Variants in CCDC40 observed in about 807,000 individuals in gnomAD.
The protein encoded by CCDC40 is coiled-coil domain-containing protein 40.
CCDC40 carries 104 observed loss-of-function variants against 124.5 expected under a neutral mutation model. The observed-to-expected ratio is 0.84, with a 90% confidence interval of 0.71 to 0.98. The LOEUF (loss-of-function observed/expected upper bound fraction) is 0.98. CCDC40 is among the 50% of genes least tolerant of loss of function. CCDC40 has a pLI of 0.00. For synonymous variants in CCDC40, 580 were observed against 602.9 expected (o/e 0.96, Z 0.56); for missense variants, 1,463 against 1,503.9 (o/e 0.97, Z 0.45).
At position 80,040,117 on chromosome 17, in the gene CCDC40, C is replaced by CG. The variant is rs759705055; in HGVS notation, c.403dup (p.Glu135GlyfsTer134). On this transcript the variant is annotated frameshift_variant, in exon 3 of 20. Coordinates refer to ENST00000397545, the MANE Select transcript of CCDC40 (RefSeq NM_017950.4). LOFTEE classifies it high-confidence loss of function. Reference sequence around the variant, plus strand: ...GAGAGGAGGCATACGATAGTGTTAGCGGGGAGGCTGGTCTCCAAGGCTTCC... The same window carrying CG: ...GAGAGGAGGCATACGATAGTGTTAGCGGGGGAGGCTGGTCTCCAAGGCTTCC... The CG allele has an allele frequency of 1.2e-5, 19 of 1,613,952 alleles. No individual in the cohort carries two copies. Among genetic ancestry groups the CG allele is most frequent in the Non-Finnish European group, 1.4e-5 (17 of 1,180,010 alleles).
chr17:80,051,013 A>G (rs28406023), intron 7 of CCDC40, among the ~76,000 whole-genome samples: 8,809 of 152,256 alleles, frequency 0.058, 795 homozygotes, highest in African/African-American at 0.2. Flanking sequence ...TTTGAATCAG[A>G]TGAGACAGTG....
intron 12 of CCDC40, among the ~76,000 whole-genome samples, chr17:80,082,391 C>T (rs1177315488): frequency 1.3e-5 from 2 of 150,938 alleles, no homozygotes; most frequent in African/African-American, 2.4e-5. Context: ...TATCCTTTAT[C>T]ACCTGTGGTG....
intron 9 of CCDC40, 113 bp from the exon 10 acceptor site, chr17:80,065,372 C>A: frequency 7.2e-7 from 1 of 1,394,358 alleles, no homozygotes; most frequent in Non-Finnish European, 1.0e-6. Context: ...AGGAAAGTAC[C>A]GGTGATAGAA....
chr17:80,065,479 C>CT lies in CCDC40; in HGVS notation c.1441-5dup. ...CCATTCCTGCCCCCTCCCCTGTTGGCTGCAGGCCTGCACCGAGATCGACGC... is the reference window on the plus strand; with the variant it reads ...CCATTCCTGCCCCCTCCCCTGTTGGCTTGCAGGCCTGCACCGAGATCGACGC... On this transcript the variant is annotated splice_region_variant and splice_polypyrimidine_tract_variant and intron_variant, in intron 9 of 19. Coordinates refer to ENST00000397545, the MANE Select transcript of CCDC40 (RefSeq NM_017950.4). 6.2e-7 allele frequency: 1 copy of CT among 1,612,416 alleles called. No individual in the cohort carries two copies. Among genetic ancestry groups the CT allele is most frequent in the Non-Finnish European group, 8.5e-7 (1 of 1,179,714 alleles).
At position 80,089,812 on chromosome 17, in the gene CCDC40, G is replaced by T. The variant is rs1234234391; in HGVS notation, c.2760G>T (p.Met920Ile). 1 of 1,614,144 alleles carries T rather than the reference G, an allele frequency of 6.2e-7. No individual in the cohort carries two copies. The highest frequency in any genetic ancestry group is 1.3e-5 in the African/African-American group (1 of 74,956). The change falls in exon 17 of 20, where the codon ATG (methionine) becomes ATT (isoleucine). Residue 920 changes from methionine to isoleucine, a missense_variant. Physicochemically the swap from Met to Ile is conservative, Grantham distance 10. Coordinates refer to ENST00000397545, the MANE Select transcript of CCDC40 (RefSeq NM_017950.4). The part of the protein sequence containing the change: ...WEKKIQLAKE[M>I]RSSVDSEIGQ... ...AAAAAATCCAACTGGCAAAAGAGAT[G>T]CGTTCCTCAGTGGATTCCGAGATCG...
At chr17:80,084,351 G>T (rs1454508562) in intron 12 of CCDC40, among the ~76,000 whole-genome samples, 1 of 152,072 alleles carries the variant, frequency 6.6e-6, no homozygotes, top group Non-Finnish European at 1.5e-5. Context: ...AAAACCATCA[G>T]ATCTCATGAG....
In CCDC40 at chr17:80,090,211, A is replaced by G; in HGVS notation, c.2832+327A>G. On this transcript the variant is annotated intron_variant, in intron 17 of 19. Transcript: ENST00000397545. ...ACACGGGACGCACGCAGGCACGTGC[A>G]CGAAGAACACGGGACGCGCGCAGGC... 19 of 760,564 alleles carry G rather than the reference A, an allele frequency of 2.5e-5. 2 individuals are homozygous for G. The highest frequency in any genetic ancestry group is 7.0e-5 in the South Asian group (3 of 42,968). 47.1% of individuals were successfully genotyped at this position (760,564 alleles called of 1,614,324 possible). A position where few individuals can be genotyped will look rare whatever the true frequency, so the allele number is the denominator to read the frequency against.
intron 7 of CCDC40, among the ~76,000 whole-genome samples, chr17:80,054,948 C>G (rs1400224476): frequency 1.3e-5 from 2 of 151,490 alleles, no homozygotes; most frequent in South Asian, 2.1e-4. Flanking sequence ...GCACTCCATC[C>G]TGGCCAACAG....
At chr17:80,080,097 C>T (rs1384435563) in intron 10 of CCDC40, among the ~76,000 whole-genome samples, 1 of 151,916 alleles carries the variant, frequency 6.6e-6, no homozygotes, top group Non-Finnish European at 1.5e-5. Context: ...TGGTGGCACA[C>T]ACCTGTAATC....
rs776947186 is a variant in CCDC40 at position 80,036,673 on chromosome 17, C to T, written c.11C>T (p.Pro4Leu). 3.4e-5 allele frequency: 49 copies of T among 1,459,926 alleles called. 1 individual carries two copies. The South Asian group carries it at 5.1e-4, about 15-fold the overall frequency. 90.4% of individuals were successfully genotyped at this position (1,459,926 alleles called of 1,614,324 possible). ...GCCTAGCAACGGGAAATGGCGGAAC[C>T]GGGCGGCGCGGCGGGCCGGTAAGCC... MAE[P>L]GGAAGRSHPE... Residue 4 changes from proline (P) to leucine (L), a missense_variant, in exon 1 of 20, where the codon CCG (proline) becomes CTG (leucine). Transcript: ENST00000397545.
chr17:80,070,424 A>G lies in CCDC40; in HGVS notation c.1562+4818A>G, dbSNP rs540786042. Among the ~76,000 whole-genome samples the G allele has an allele frequency of 2.9e-4, 44 of 152,166 alleles. No individual in the cohort carries two copies. In the South Asian group the frequency reaches 8.3e-3, roughly 29 times the overall value. On this transcript the variant is annotated intron_variant, in intron 10 of 19. Coordinates refer to ENST00000397545, the MANE Select transcript of CCDC40 (RefSeq NM_017950.4). The stretch of plus-strand genomic sequence containing the variant: ...AGCCCGGGCAACATAGTAAAGTAAG[A>G]CCTTGTCTCTAAAATAAAATATAAA...
intron 3 of CCDC40, among the ~76,000 whole-genome samples, chr17:80,044,431 C>T (rs1185348469): frequency 1.3e-5 from 2 of 152,104 alleles, no homozygotes; most frequent in Non-Finnish European, 2.9e-5. Context: ...TGGCTGTGAT[C>T]CCAGCACTTT....
chr17:80,040,328 C>G, intron 3 of CCDC40, 58 bp downstream of exon 3: 1 of 1,491,316 alleles, frequency 6.7e-7, no homozygotes, highest in South Asian at 1.2e-5. Context: ...GGGTTTGTCA[C>G]CCTATGTGAG....
In CCDC40 at chr17:80,099,961, A is replaced by T. The variant is rs2304851; in HGVS notation, c.*186A>T. 1 of 659,516 alleles carries T rather than the reference A, an allele frequency of 1.5e-6. No homozygotes were observed. The highest frequency in any genetic ancestry group is 4.2e-4 in the Middle Eastern group (1 of 2,368). 40.9% of individuals were successfully genotyped at this position (659,516 alleles called of 1,614,324 possible). A position where few individuals can be genotyped will look rare whatever the true frequency, so the allele number is the denominator to read the frequency against. On this transcript the variant is annotated 3_prime_UTR_variant, in exon 20 of 20. Transcript: ENST00000397545. The stretch of plus-strand genomic sequence containing the variant: ...TAGCCACTCAGCAATTTAATAAACC[A>T]GGTAAAATCCTAGCGTTTCCCATGG...
chr17:80,055,995 TATATATATATATATATA>T (rs2037727962), intron 7 of CCDC40, among the ~76,000 whole-genome samples: 2 of 10,760 alleles, frequency 1.9e-4, no homozygotes, highest in Non-Finnish European at 3.0e-4. Context: ...TATATATATA[TATATATATATATATATA>T]TATATTTTTT....
At chr17:80,048,319 T>C (rs778702357) in intron 4 of CCDC40, 30 of 516,096 alleles carry the variant, frequency 5.8e-5, no homozygotes, top group Non-Finnish European at 8.2e-5. Context: ...GTTCACTCTT[T>C]ATGTGTAAAG....
chr17:80,084,667 G>T, intron 12 of CCDC40, 76 bp from the exon 13 acceptor site: 1 of 1,548,740 alleles, frequency 6.5e-7, no homozygotes, highest in Non-Finnish European at 8.9e-7. Context: ...GACCGTCAGG[G>T]AACGGTGGAT....
chr17:80,047,399 C>T lies in CCDC40; in HGVS notation c.673C>T (p.Pro225Ser), dbSNP rs1326296663. The T allele has an allele frequency of 6.2e-7, 1 of 1,611,690 alleles. No individual in the cohort carries two copies. The highest frequency in any genetic ancestry group is 8.5e-7 in the Non-Finnish European group (1 of 1,179,202). Residue 225 changes from proline to serine, a missense_variant, in exon 4 of 20, where the codon CCA (proline) becomes TCA (serine). Physicochemically the swap from Pro to Ser is moderately conservative, Grantham distance 74. Coordinates refer to ENST00000397545, the MANE Select transcript of CCDC40 (RefSeq NM_017950.4). Reference sequence around the variant, plus strand: ...CCTGGAGGAGTTCGTCTCGCAGGAGCCAGGTGCCACCCACCTGCTGAGGTC... The same window carrying T: ...CCTGGAGGAGTTCGTCTCGCAGGAGTCAGGTGCCACCCACCTGCTGAGGTC... ...SDLEEFVSQEPVIPPGVPDAH... is the reference protein window; with the variant it reads ...SDLEEFVSQESVIPPGVPDAH...
At chr17:80,088,377 G>A in intron 16 of CCDC40, 1 of 473,660 alleles carries the variant, frequency 2.1e-6, no homozygotes, top group Non-Finnish European at 3.9e-6. Context: ...TCAACCTCCT[G>A]AGTAGCTGGG....
Sources: gnomAD v4.1 joint callset for allele counts (sites outside exome capture counted in the v4.1 genomes callset) on GRCh38, gnomAD v4.1.1 for gene constraint, MANE v1.5 for transcripts, NCBI Gene and HGNC (gene_info 2026-07-23, HGNC 2026-07-21) for gene names.